CUX1: variants seen among roughly 807,000 people sequenced by gnomAD.
The protein encoded by CUX1 is cut like homeobox 1.
In CUX1, 31 loss-of-function variants were observed where a neutral mutation model predicts 158.8. That is an observed-to-expected ratio of 0.20 (90% CI 0.15 to 0.26). The LOEUF is 0.26. Ranked by LOEUF, CUX1 falls within the 10% of genes least tolerant of loss-of-function variation. CUX1 has a pLI of 1.00. For missense variants in CUX1, 1,589 were observed against 2,014.6 expected (o/e 0.79, Z 4.04); for synonymous variants, 879 against 862.1 (o/e 1.02, Z -0.34).
At chr7:102,282,865 C>T in intron 22 of CUX1, 1 of 1,059,940 alleles carries the variant, frequency 9.4e-7, no homozygotes, top group Non-Finnish European at 1.4e-6. Flanking sequence ...TCATGTCCCC[C>T]ACTCCTTAGC....
intron 2 of CUX1, among the ~76,000 whole-genome samples, chr7:101,978,293 G>A (rs1023151292): frequency 3.9e-5 from 6 of 152,048 alleles, no homozygotes; most frequent in African/African-American, 4.8e-5. Flanking sequence ...CACACACACC[G>A]CCTGCACCAC....
At chr7:102,050,971 A>T (rs1585424263) in intron 3 of CUX1, among the ~76,000 whole-genome samples, 1 of 152,128 alleles carries the variant, frequency 6.6e-6, no homozygotes, top group Admixed American at 6.5e-5. Flanking sequence ...GTCTACCACC[A>T]GTTGCCATCC....
intron 8 of CUX1, among the ~76,000 whole-genome samples, chr7:102,155,825 T>C (rs897899205): frequency 4.6e-5 from 7 of 152,196 alleles, no homozygotes; most frequent in African/African-American, 1.7e-4. Flanking sequence ...TACAGAAGGA[T>C]GTTTCATCAT....
Position 102,254,809 on chromosome 7 carries a change from G to A in CUX1, c.*5767G>A, listed in dbSNP as rs1789713352. On this transcript the variant is annotated 3_prime_UTR_variant, in exon 24 of 24. Coordinates refer to ENST00000292535, the MANE Select transcript of CUX1 (RefSeq NM_181552.4). ...GGTTGGATCTCAGCGTGTACTGAAT[G>A]CCAGTCTGGCCGGCACACTCGAACG... 1 of 985,450 alleles carries A rather than the reference G, an allele frequency of 1.0e-6. No individual in the cohort carries two copies. The highest frequency in any genetic ancestry group is 1.2e-6 in the Non-Finnish European group (1 of 829,954). The allele number at this position is 985,450 out of a possible 1,614,324, so 61.0% of individuals were successfully genotyped here.
downstream of CUX1, among the ~76,000 whole-genome samples, chr7:102,259,992 G>C (rs1790270026): frequency 6.6e-6 from 1 of 151,864 alleles, no homozygotes; most frequent in Non-Finnish European, 1.5e-5. Flanking sequence ...CTACTCTGGA[G>C]GCTGAGGTGG....
chr7:102,021,035 G>A (rs1420848989), intron 2 of CUX1, among the ~76,000 whole-genome samples: 1 of 152,130 alleles, frequency 6.6e-6, no homozygotes, highest in African/African-American at 2.4e-5. Flanking sequence ...CCCACCTCTA[G>A]CACCATTGGC....
chr7:101,822,765 G>A (rs916370618), intron 1 of CUX1, among the ~76,000 whole-genome samples: 2 of 152,072 alleles, frequency 1.3e-5, no homozygotes, highest in Non-Finnish European at 2.9e-5. Context: ...GCCTGGCGTG[G>A]TGGCGCATAT....
chr7:101,858,169 T>G (rs1490745018), intron 1 of CUX1, among the ~76,000 whole-genome samples: 1 of 152,022 alleles, frequency 6.6e-6, no homozygotes, highest in Non-Finnish European at 1.5e-5. Context: ...TTCTGAGGAG[T>G]AGGGTTTCTT....
intron 18 of CUX1, 124 bp from the exon 19 acceptor site, chr7:102,204,267 G>A (rs1474363397): frequency 8.1e-7 from 1 of 1,237,592 alleles, no homozygotes; most frequent in African/African-American, 1.5e-5. Flanking sequence ...ACCAGGCCGT[G>A]GTTCTGTGCT....
At chr7:102,212,503 C>T (rs73412028) in intron 20 of CUX1, among the ~76,000 whole-genome samples, 94 of 152,262 alleles carry the variant, frequency 6.2e-4, no homozygotes, top group African/African-American at 2.2e-3. Context: ...CCAGAGTCAC[C>T]GATTTATTTG....
intron 1 of CUX1, among the ~76,000 whole-genome samples, chr7:101,860,015 CCTCT>C (rs1162733059): frequency 4.3e-5 from 6 of 138,372 alleles, no homozygotes; most frequent in Admixed American, 3.6e-4. Context: ...TTCCTTCCTT[CCTCT>C]CTCTTTCTGT....
chr7:102,273,574 T>G lies in CUX1; in HGVS notation c.1383+81T>G, dbSNP rs1554546885. On this transcript the variant is annotated intron_variant, in intron 15 of 22. Coordinates refer to the CUX1 transcript ENST00000292538. Reference sequence around the variant, plus strand: ...CTCTGCAAACACTGACTTCCCAGATTAGCCTGTGTATCAGGCAGCTGGTGA... The same window carrying G: ...CTCTGCAAACACTGACTTCCCAGATGAGCCTGTGTATCAGGCAGCTGGTGA... 4.0e-6 allele frequency: 6 copies of G among 1,513,642 alleles called. No homozygotes were observed. The South Asian group carries it at 7.6e-5, about 19-fold the overall frequency. 93.8% of individuals were successfully genotyped at this position (1,513,642 alleles called of 1,614,324 possible). A position where few individuals can be genotyped will look rare whatever the true frequency, so the allele number is the denominator to read the frequency against.
At chr7:102,273,526 G>A (rs782063502) in intron 15 of CUX1, 37 of 1,587,746 alleles carry the variant, frequency 2.3e-5, no homozygotes, top group East Asian at 4.5e-5. Context: ...TGCCCATCTC[G>A]ATACCTGCCC....
At position 102,281,352 on chromosome 7, in the gene CUX1, C is replaced by G. The variant is rs559867287; in HGVS notation, c.1822-488C>G. The stretch of plus-strand genomic sequence containing the variant: ...TACATTCCAGCCTGGGCAACCTTGT[C>G]TAAAAAAACGTTTTTAAAGAATTCC... On this transcript the variant is annotated intron_variant, in intron 20 of 22. Coordinates refer to the CUX1 transcript ENST00000292538. 2.0e-4 allele frequency among the ~76,000 whole-genome samples: 30 copies of G among 151,646 alleles called. No individual in the cohort carries two copies. The South Asian group carries it at 6.3e-3, about 32-fold the overall frequency.
intron 10 of CUX1, among the ~76,000 whole-genome samples, chr7:102,175,231 C>T (rs1480228290): frequency 6.6e-6 from 1 of 152,222 alleles, no homozygotes; most frequent in African/African-American, 2.4e-5. Flanking sequence ...GAAATCCACA[C>T]CTTTGACCTG....
intron 1 of CUX1, among the ~76,000 whole-genome samples, chr7:101,884,990 C>A (rs1279948918): frequency 5.3e-5 from 8 of 152,196 alleles, no homozygotes; most frequent in Admixed American, 4.6e-4. Context: ...GGGTTCCAGG[C>A]TCTTTGAAGC....
chr7:102,027,814 G>T (rs949783148), intron 2 of CUX1, among the ~76,000 whole-genome samples: 4 of 152,174 alleles, frequency 2.6e-5, no homozygotes, highest in African/African-American at 9.6e-5. Flanking sequence ...GTGAGCCAGG[G>T]TTGTGCCACT....
intron 2 of CUX1, among the ~76,000 whole-genome samples, chr7:101,998,604 G>A (rs1365982226): frequency 6.6e-6 from 1 of 152,198 alleles, no homozygotes; most frequent in Non-Finnish European, 1.5e-5. Flanking sequence ...GATAGCGTTT[G>A]AGGAAGAAGA....
At chr7:102,217,895 G>A (rs1797414046) in intron 20 of CUX1, among the ~76,000 whole-genome samples, 1 of 150,884 alleles carries the variant, frequency 6.6e-6, no homozygotes, top group Non-Finnish European at 1.5e-5. Flanking sequence ...TAGAGGGAGG[G>A]AGGATCTGGA....
Sources: allele counts gnomAD v4.1 joint callset (sites outside exome capture counted in the v4.1 genomes callset), GRCh38; gene constraint gnomAD v4.1.1; transcripts MANE v1.5; gene names NCBI Gene and HGNC (gene_info 2026-07-23, HGNC 2026-07-21).